DPP8: variants seen among roughly 807,000 people sequenced by gnomAD.
DPP8 encodes DPP VIII.
A neutral mutation model predicts 107.5 loss-of-function variants in DPP8; 31 were observed. The observed-to-expected ratio is 0.29, with a 90% CI of 0.22 to 0.39. The LOEUF (loss-of-function observed/expected upper bound fraction) is 0.39, where lower values mean the gene tolerates loss of function less well. DPP8 is among the 10% of genes least tolerant of loss of function. The pLI is 1.00. For synonymous variants in DPP8, 381 were observed against 356.6 expected, an observed-to-expected ratio of 1.07 and a Z score of -0.77; for missense variants, 842 against 1,076.1, an observed-to-expected ratio of 0.78 and a Z score of 3.04.
intron 5 of DPP8, among the ~76,000 whole-genome samples, chr15:65,494,599 C>T (rs1029257600): frequency 3.2e-5 from 4 of 126,676 alleles, no homozygotes; most frequent in Non-Finnish European, 4.7e-5. Flanking sequence ...GCTGCAGCCC[C>T]GTGAAGACTG....
intron 1 of DPP8, among the ~76,000 whole-genome samples, chr15:65,515,316 G>A (rs1451026150): frequency 1.3e-5 from 2 of 152,018 alleles, no homozygotes; most frequent in Non-Finnish European, 2.9e-5. Context: ...TTCCTGAATC[G>A]TACTAAGCCC....
At chr15:65,494,829 C>T (rs528956791) in intron 5 of DPP8, among the ~76,000 whole-genome samples, 3 of 152,202 alleles carry the variant, frequency 2.0e-5, no homozygotes, top group African/African-American at 7.2e-5. Context: ...CTTACTCCAT[C>T]CCCTTTTCTC....
chr15:65,473,734 G>A (rs766709472), intron 12 of DPP8, among the ~76,000 whole-genome samples: 1 of 152,142 alleles, frequency 6.6e-6, no homozygotes, highest in Non-Finnish European at 1.5e-5. Context: ...TAAAATAAAT[G>A]AGATTTATCA....
intron 2 of DPP8, among the ~76,000 whole-genome samples, chr15:65,510,338 T>C (rs867466091): frequency 6.6e-6 from 1 of 151,946 alleles, no homozygotes; most frequent in Non-Finnish European, 1.5e-5. Flanking sequence ...TAATAATTAA[T>C]TTAAAAAATA....
intron 17 of DPP8, among the ~76,000 whole-genome samples, chr15:65,452,431 T>C (rs2064052608): frequency 6.6e-6 from 1 of 152,052 alleles, no homozygotes; most frequent in Non-Finnish European, 1.5e-5. Context: ...AACTGTCAGT[T>C]TTATGTAAAA....
intron 10 of DPP8, among the ~76,000 whole-genome samples, chr15:65,479,909 AAAAGAG>A (rs2066758403): frequency 6.6e-6 from 1 of 152,068 alleles, no homozygotes; most frequent in East Asian, 1.9e-4. Flanking sequence ...TTACCAACAT[AAAAGAG>A]AAAGTCTTTT....
In DPP8 at chr15:65,452,005, T is replaced by C; in HGVS notation, c.2369A>G (p.Tyr790Cys). 1 of 1,610,198 alleles carries C rather than the reference T, an allele frequency of 6.2e-7. No homozygotes were observed. The highest frequency in any genetic ancestry group is 2.2e-5 in the East Asian group (1 of 44,670). Reference sequence around the variant, plus strand: ...TTGCATGGCCACAGATCCTAAGTAATAGCCCTGTTCATTCTGGTCAGGGTG... The same window carrying C: ...TTGCATGGCCACAGATCCTAAGTAACAGCCCTGTTCATTCTGGTCAGGGTG... ...MGHPDQNEQGYYLGSVAMQAE... is the reference protein window; with the variant it reads ...MGHPDQNEQGCYLGSVAMQAE... Residue 790 changes from tyrosine (Y) to cysteine (C), a missense_variant, in exon 18 of 20, where the codon TAT becomes TGT. Tyr to Cys is a radical substitution (Grantham distance 194). Transcript: ENST00000300141.
intron 14 of DPP8, among the ~76,000 whole-genome samples, chr15:65,466,328 G>T (rs933817960): frequency 7.0e-5 from 7 of 100,312 alleles, no homozygotes; most frequent in South Asian, 5.4e-4. Context: ...TAGTGGAGAC[G>T]GGGTTTTACT....
chr15:65,495,436 C>A (rs1374711763), intron 5 of DPP8, among the ~76,000 whole-genome samples: 1 of 148,702 alleles, frequency 6.7e-6, no homozygotes, highest in Non-Finnish European at 1.5e-5. Context: ...AAACCCCGTC[C>A]CTACTAAAAA....
intron 8 of DPP8, among the ~76,000 whole-genome samples, chr15:65,483,192 A>T (rs187700193): frequency 2.2e-3 from 342 of 152,204 alleles, no homozygotes; most frequent in Admixed American, 0.011. Flanking sequence ...GATAATGTGG[A>T]GAAACTGGAA....
At chr15:65,462,022 G>A (rs2140440418) in intron 15 of DPP8, among the ~76,000 whole-genome samples, 1 of 152,132 alleles carries the variant, frequency 6.6e-6, no homozygotes, top group South Asian at 2.1e-4. Flanking sequence ...GGGCTGCAGT[G>A]TAGTGGCACA....
intron 12 of DPP8, among the ~76,000 whole-genome samples, chr15:65,471,388 C>T (rs935634784): frequency 5.3e-5 from 8 of 151,968 alleles, no homozygotes; most frequent in East Asian, 1.9e-4. Flanking sequence ...ATTCTGACAC[C>T]CAGGCTATAG....
At chr15:65,517,168 C>T (rs1330376505) in intron 1 of DPP8, 1 of 152,360 alleles carries the variant, frequency 6.6e-6, no homozygotes, top group African/African-American at 2.4e-5. Flanking sequence ...CAATACCCGG[C>T]CTCCCAACCC....
intron 2 of DPP8, among the ~76,000 whole-genome samples, 177 bp from the exon 3 acceptor site, chr15:65,507,532 A>T (rs970496345): frequency 3.9e-5 from 6 of 152,058 alleles, no homozygotes; most frequent in Non-Finnish European, 8.8e-5. Context: ...TTTTCAATAA[A>T]ACCAAGGCTA....
In DPP8 at chr15:65,479,050, A is replaced by C; in HGVS notation, c.1297-11T>G. 6.5e-7 allele frequency: 1 copy of C among 1,540,322 alleles called. No homozygotes were observed. Among genetic ancestry groups the C allele is most frequent in the Non-Finnish European group, 8.7e-7 (1 of 1,143,110 alleles). On this transcript the variant is annotated splice_polypyrimidine_tract_variant and intron_variant, in intron 10 of 19. Coordinates refer to ENST00000300141, the MANE Select transcript of DPP8 (RefSeq NM_130434.5). The stretch of plus-strand genomic sequence containing the variant: ...AAAGATGTCATGGATCTGTAAAATG[A>C]ATAGCTAAATTTACTATACATATTA...
chr15:65,488,285 G>A (rs1242453091), intron 6 of DPP8, among the ~76,000 whole-genome samples: 2 of 152,126 alleles, frequency 1.3e-5, no homozygotes, highest in Admixed American at 1.3e-4. Flanking sequence ...CCAAGACATG[G>A]CTTAAAAGTA....
chr15:65,461,091 A>G (rs927823248), intron 15 of DPP8, among the ~76,000 whole-genome samples: 3 of 152,158 alleles, frequency 2.0e-5, no homozygotes, highest in African/African-American at 7.2e-5. Context: ...AGTCATATTG[A>G]GCATCTTTTC....
chr15:65,512,194 TGA>T (rs2070875609), intron 2 of DPP8, 99 bp downstream of exon 2: 1 of 1,184,962 alleles, frequency 8.4e-7, no homozygotes, highest in African/African-American at 1.5e-5. Flanking sequence ...CAAAAGTCAC[TGA>T]TTAATTTATT....
chr15:65,506,722 T>C (rs949360676), intron 3 of DPP8, among the ~76,000 whole-genome samples: 2 of 148,990 alleles, frequency 1.3e-5, no homozygotes, highest in African/African-American at 4.9e-5. Context: ...TATAAACATA[T>C]ATATGTTTAA....
Sources: gnomAD v4.1 joint callset for allele counts (sites outside exome capture counted in the v4.1 genomes callset) on GRCh38, gnomAD v4.1.1 for gene constraint, MANE v1.5 for transcripts, NCBI Gene and HGNC (gene_info 2026-07-23, HGNC 2026-07-21) for gene names.